The following TNS1 variants were observed in gnomAD, a reference collection of about 807,000 sequenced individuals.
TNS1 encodes the protein tensin-1.
A neutral mutation model predicts 168.6 loss-of-function variants in TNS1; 62 were observed. That is an observed-to-expected ratio of 0.37 (90% CI 0.30 to 0.45). TNS1 has a LOEUF of 0.45. Among genes scored for constraint, TNS1 ranks in the 20% least tolerant of loss-of-function variants. TNS1 has a pLI of 1.00. For missense variants in TNS1, 2,240 were observed against 2,339.4 expected (o/e 0.96, Z 0.88); for synonymous variants, 934 against 933.2 (o/e 1.00, Z -0.02).
rs201730716 is a variant in TNS1, at chr2:217,809,875, C to T, written c.5221G>A (p.Val1741Ile). Residue 1741 changes from valine (V) to isoleucine (I), a missense_variant, in exon 30 of 33, where the codon GTT (valine) becomes ATT (isoleucine). Physicochemically the swap from Val to Ile is conservative, Grantham distance 29. This residue lies in a region of TNS1 where 109 missense variants were observed against 168.1 expected (regional missense o/e 0.65). Transcript: ENST00000682258. ...CCCTGGGCAGAGACTTTGAAGTGAACGATGGTGGCAGCTGGCGTGGGGTCT... is the reference window on the plus strand; with the variant it reads ...CCCTGGGCAGAGACTTTGAAGTGAATGATGGTGGCAGCTGGCGTGGGGTCT... ...AADPTPAATIVHFKVSAQGIT... is the reference protein window; with the variant it reads ...AADPTPAATIIHFKVSAQGIT... The T allele has an allele frequency of 5.8e-5, 94 of 1,613,992 alleles. 1 individual carries two copies. Among genetic ancestry groups the T allele is most frequent in the African/African-American group, 4.7e-4 (35 of 74,960 alleles).
intron 3 of TNS1, among the ~76,000 whole-genome samples, chr2:217,937,698 C>T (rs1008991484): frequency 6.6e-6 from 1 of 152,138 alleles, no homozygotes; most frequent in Non-Finnish European, 1.5e-5. Context: ...ACAGACCCCC[C>T]ACCCCTGCAC....
chr2:217,825,911 G>A (rs1040598461), intron 22 of TNS1, among the ~76,000 whole-genome samples: 1 of 152,208 alleles, frequency 6.6e-6, no homozygotes, highest in Non-Finnish European at 1.5e-5. Context: ...AAGACACTGG[G>A]AGTCTGAACT....
At chr2:217,991,302 C>A (rs994954296) in intron 1 of TNS1, among the ~76,000 whole-genome samples, 2 of 151,748 alleles carry the variant, frequency 1.3e-5, no homozygotes, top group Non-Finnish European at 2.9e-5. Flanking sequence ...GCTCCAGGGA[C>A]CTGCAGCCCC....
chr2:217,847,939 G>T lies in TNS1; in HGVS notation c.2578C>A (p.Pro860Thr). 2 of 1,513,240 alleles carry T rather than the reference G, an allele frequency of 1.3e-6. No individual in the cohort carries two copies. Among genetic ancestry groups the T allele is most frequent in the Non-Finnish European group, 1.8e-6 (2 of 1,128,102 alleles). 93.7% of individuals were successfully genotyped at this position (1,513,240 alleles called of 1,614,324 possible). Residue 860 changes from proline to threonine, a missense_variant, in exon 19 of 33, where the codon CCC becomes ACC. Physicochemically the swap from Pro to Thr is conservative, Grantham distance 38. Coordinates refer to ENST00000682258, the MANE Select transcript of TNS1 (RefSeq NM_001387777.1). Reference protein sequence around the residue: ...AAPLHKSQSVPGAWPGASPLS... With the variant: ...AAPLHKSQSVTGAWPGASPLS... ...GGAGAAGCCCCTGGCCAGGCCCCGGGGACACTCTGGGACTTGTGTAGTGGG... is the reference window on the plus strand; with the variant it reads ...GGAGAAGCCCCTGGCCAGGCCCCGGTGACACTCTGGGACTTGTGTAGTGGG...
At chr2:217,894,482 C>T (rs889069957) in intron 9 of TNS1, among the ~76,000 whole-genome samples, 1 of 152,178 alleles carries the variant, frequency 6.6e-6, no homozygotes, top group African/African-American at 2.4e-5. Flanking sequence ...CACGGCGAAA[C>T]CCCATCTCTA....
chr2:217,963,954 GC>G (rs1336443135), intron 3 of TNS1, among the ~76,000 whole-genome samples: 1 of 151,090 alleles, frequency 6.6e-6, no homozygotes, highest in African/African-American at 2.4e-5. Flanking sequence ...GACTCCCCAG[GC>G]CCCAAATCTT....
chr2:217,829,313 A>T (rs1944064854), intron 22 of TNS1, among the ~76,000 whole-genome samples: 1 of 151,970 alleles, frequency 6.6e-6, no homozygotes, highest in African/African-American at 2.4e-5. Flanking sequence ...TGAACCTGGG[A>T]GGCAGAGGTT....
rs1484118531 is a variant in TNS1 at position 218,032,927 on chromosome 2, TC to T, written c.156+892del. 2.0e-5 allele frequency among the ~76,000 whole-genome samples: 3 copies of T among 151,728 alleles called. No homozygotes were observed. Among genetic ancestry groups the T allele is most frequent in the Non-Finnish European group, 4.4e-5 (3 of 67,908 alleles). ...CTGTCACACACCGGCACACACACCC[TC>T]CCCTCTTTCTCCCCTTGATCATCCA... On this transcript the variant is annotated intron_variant, in intron 1 of 1. Coordinates refer to the TNS1 transcript ENST00000649572. This position sits in a 1 kb window ranked among gnomAD's most constrained non-coding sequence, Gnocchi z 4.0.
intron 4 of TNS1, among the ~76,000 whole-genome samples, chr2:217,913,210 G>A (rs1356541702): frequency 6.6e-6 from 1 of 152,138 alleles, no homozygotes; most frequent in Non-Finnish European, 1.5e-5. Context: ...CTCCCAGCAG[G>A]CCCAGGCCAC....
At chr2:217,884,690 C>T (rs1951025009) in intron 16 of TNS1, among the ~76,000 whole-genome samples, 1 of 151,242 alleles carries the variant, frequency 6.6e-6, no homozygotes, top group Non-Finnish European at 1.5e-5. Flanking sequence ...AAAGCAGATG[C>T]CCAGTGAATG....
chr2:217,885,238 A>G, intron 15 of TNS1, 74 bp from the exon 16 acceptor site: 1 of 1,592,974 alleles, frequency 6.3e-7, no homozygotes, highest in Non-Finnish European at 8.6e-7. Flanking sequence ...CCTCCTTATC[A>G]GCTCCGCTGA....
chr2:217,960,958 C>T (rs1957481046), intron 3 of TNS1, among the ~76,000 whole-genome samples: 1 of 152,094 alleles, frequency 6.6e-6, no homozygotes. Context: ...ACAACTGGCA[C>T]CCAGGGAAGC....
chr2:217,906,922 G>A (rs1953774911), intron 5 of TNS1, among the ~76,000 whole-genome samples: 1 of 152,152 alleles, frequency 6.6e-6, no homozygotes, highest in Admixed American at 6.5e-5. Flanking sequence ...TCATAAGGAA[G>A]CCCACATTTA....
intron 3 of TNS1, among the ~76,000 whole-genome samples, chr2:217,957,775 A>G (rs1325788786): frequency 3.3e-5 from 5 of 149,660 alleles, no homozygotes; most frequent in Non-Finnish European, 7.4e-5. Context: ...TCTATTAAAG[A>G]TGCATACTGA....
At chr2:217,998,125 A>G (rs762257022) in intron 1 of TNS1, among the ~76,000 whole-genome samples, 3 of 152,204 alleles carry the variant, frequency 2.0e-5, no homozygotes, top group Non-Finnish European at 4.4e-5. Context: ...GAGGGCAGAC[A>G]GTGACATTTC....
chr2:217,808,218 C>A, intron 31 of TNS1, 111 bp from the exon 32 acceptor site: 3 of 1,325,078 alleles, frequency 2.3e-6, no homozygotes, highest in East Asian at 2.5e-5. Context: ...AGCTGCCCCC[C>A]ATTCCCCCCT....
chr2:218,031,439 ATG>A (rs940789145), intron 1 of TNS1, among the ~76,000 whole-genome samples: 2 of 113,504 alleles, frequency 1.8e-5, no homozygotes, highest in African/African-American at 7.4e-5. Context: ...GTGTGTGTGC[ATG>A]TGTGTATGAG....
chr2:218,013,838 T>C (rs190591461), upstream of TNS1, among the ~76,000 whole-genome samples: 5 of 152,112 alleles, frequency 3.3e-5, no homozygotes, highest in East Asian at 9.7e-4. Context: ...GGATTCTGAG[T>C]GCAGGCCAGG....
intron 4 of TNS1, among the ~76,000 whole-genome samples, chr2:217,919,332 C>G (rs962151841): frequency 6.6e-6 from 1 of 152,244 alleles, no homozygotes; most frequent in African/African-American, 2.4e-5. Flanking sequence ...CAGCCACGCC[C>G]CGCCCCAGGC....
Sources: gnomAD v4.1 joint callset for allele counts (sites outside exome capture counted in the v4.1 genomes callset) on GRCh38, gnomAD v4.1.1 for gene constraint, gnomAD v4.1.1 regional missense constraint, Gnocchi (gnomAD v3.1) non-coding constraint, MANE v1.5 for transcripts, NCBI Gene and HGNC (gene_info 2026-07-23, HGNC 2026-07-21) for gene names.